TSPAN11: variants seen among roughly 807,000 people sequenced by gnomAD.
TSPAN11 encodes tetraspanin 11.
TSPAN11 carries 29 observed loss-of-function variants against 32.9 expected under a neutral mutation model. The ratio of observed to expected loss-of-function variants is 0.88; its 90% confidence interval spans 0.66 to 1.20. TSPAN11 has a LOEUF of 1.20. TSPAN11 is among the 50% of genes most tolerant of loss of function. The pLI is 0.00. For missense variants in TSPAN11, 283 were observed against 329.1 expected, an observed-to-expected ratio of 0.86 and a Z score of 1.08; for synonymous variants, 140 against 141.3, an observed-to-expected ratio of 0.99 and a Z score of 0.07.
chr12:31,006,738 G>A, the TSPAN11 span, among the ~76,000 whole-genome samples: 1 of 152,330 alleles, frequency 6.6e-6, no homozygotes, highest in South Asian at 2.1e-4. Context: ...AGGCCAGTCA[G>A]GCTATGGCTG....
intron 3 of TSPAN11, among the ~76,000 whole-genome samples, chr12:30,976,526 C>T (rs1187528516): frequency 6.6e-6 from 1 of 152,158 alleles, no homozygotes; most frequent in Admixed American, 6.5e-5. Context: ...TCCACAGACG[C>T]TCTCTTCAGC....
chr12:30,952,109 C>G (rs74641483), intron 1 of TSPAN11, among the ~76,000 whole-genome samples: 9,069 of 152,242 alleles, frequency 0.06, 347 homozygotes, highest in Non-Finnish European at 0.084. Context: ...CTTTAGAGGG[C>G]AGGGCCCTGA....
the TSPAN11 span, among the ~76,000 whole-genome samples, chr12:31,004,713 G>A: frequency 4.1e-3 from 624 of 152,326 alleles, 9 homozygotes; most frequent in African/African-American, 0.014. Flanking sequence ...AGCCTGTCTC[G>A]AGAAGGCCCG....
intron 1 of TSPAN11, among the ~76,000 whole-genome samples, chr12:30,939,511 T>C (rs1938116730): frequency 6.6e-6 from 1 of 152,250 alleles, no homozygotes; most frequent in Non-Finnish European, 1.5e-5. Flanking sequence ...GTTTATGTAA[T>C]GATCTACCTT....
At position 30,975,132 on chromosome 12, in the gene TSPAN11, C is replaced by A. The variant is rs1182358528; in HGVS notation, c.277-3429C>A. 6.6e-6 allele frequency among the ~76,000 whole-genome samples: 1 copy of A among 152,202 alleles called. No individual in the cohort carries two copies. Among genetic ancestry groups the A allele is most frequent in the Non-Finnish European group, 1.5e-5 (1 of 68,030 alleles). On this transcript the variant is annotated intron_variant, in intron 3 of 7. Coordinates refer to ENST00000546076, the MANE Select transcript of TSPAN11 (RefSeq NM_001370302.1). The surrounding 1 kb of genome is among the most constrained non-coding windows in gnomAD (Gnocchi z 4.5). ...ACACTTTTCAGCTTTGCACACAGAG[C>A]CAGCGTGTGCCGCAGGGGCCCTGAG...
chr12:30,960,414 G>A (rs1018913903), intron 2 of TSPAN11, among the ~76,000 whole-genome samples: 7 of 152,008 alleles, frequency 4.6e-5, no homozygotes, highest in Admixed American at 2.0e-4. Flanking sequence ...TGGGATTCAA[G>A]TGTTCCTGGC....
intron 2 of TSPAN11, among the ~76,000 whole-genome samples, chr12:30,960,722 G>A (rs976583719): frequency 2.6e-5 from 4 of 151,918 alleles, no homozygotes; most frequent in Non-Finnish European, 4.4e-5. Context: ...CTGGCTAGTC[G>A]GCCACAGGCT....
downstream of TSPAN11, among the ~76,000 whole-genome samples, chr12:30,997,781 G>A (rs1219432409): frequency 1.3e-5 from 2 of 152,172 alleles, no homozygotes; most frequent in Admixed American, 6.5e-5. Context: ...GGCTGGGGGT[G>A]GTCAGGGGGG....
chr12:30,976,053 G>A (rs35102), intron 3 of TSPAN11, among the ~76,000 whole-genome samples: 40,041 of 152,058 alleles, frequency 0.26, 5,535 homozygotes, highest in Middle Eastern at 0.39. Context: ...CTGAGTCAAG[G>A]AGACTCAGAA....
Position 30,963,965 on chromosome 12 carries a change from G to A in TSPAN11, c.224G>A (p.Gly75Asp). 1 of 1,614,072 alleles carries A rather than the reference G, an allele frequency of 6.2e-7. No homozygotes were observed. The highest frequency in any genetic ancestry group is 8.5e-7 in the Non-Finnish European group (1 of 1,180,024). The change falls in exon 3 of 8, where the codon GGC (glycine) becomes GAC (aspartate). Residue 75 changes from glycine to aspartate, a missense_variant. Gly to Asp is a moderately conservative substitution (Grantham distance 94, BLOSUM62 -1). Coordinates refer to ENST00000546076, the MANE Select transcript of TSPAN11 (RefSeq NM_001370302.1). ...GCGGGCGTACTTGTCATGGTGACCG[G>A]CTTCCTGGGCTTCGGTGCCATCCTC... ...IFAGVLVMVTGFLGFGAILWE... is the reference protein window; with the variant it reads ...IFAGVLVMVTDFLGFGAILWE...
At chr12:30,962,840 G>A (rs577980744) in intron 2 of TSPAN11, among the ~76,000 whole-genome samples, 21 of 152,278 alleles carry the variant, frequency 1.4e-4, no homozygotes, top group South Asian at 4.1e-4. Context: ...GGTCCCAGGG[G>A]TCCTGTCCCC....
At chr12:30,979,211 G>A (rs1939037176) in intron 4 of TSPAN11, among the ~76,000 whole-genome samples, 1 of 152,184 alleles carries the variant, frequency 6.6e-6, no homozygotes, top group South Asian at 2.1e-4. Flanking sequence ...ATCACCTCAT[G>A]ATCACAGTTA....
chr12:30,985,981 G>A (rs768221148), intron 7 of TSPAN11, among the ~76,000 whole-genome samples: 3 of 152,250 alleles, frequency 2.0e-5, no homozygotes, highest in Non-Finnish European at 4.4e-5. Flanking sequence ...AGCCAGCCCA[G>A]GAGCGGCCAA....
intron 2 of TSPAN11, among the ~76,000 whole-genome samples, chr12:30,958,537 T>C (rs972303213): frequency 1.3e-5 from 2 of 152,136 alleles, no homozygotes; most frequent in South Asian, 2.1e-4. Flanking sequence ...AGGGCTCAGC[T>C]GTGCTCTCTC....
At chr12:30,938,680 T>C (rs912493774) in intron 1 of TSPAN11, among the ~76,000 whole-genome samples, 7 of 152,114 alleles carry the variant, frequency 4.6e-5, no homozygotes, top group Non-Finnish European at 7.4e-5. Context: ...GCTGCTGCTC[T>C]TTGCCTTACA....
At chr12:30,988,222 T>C (rs1218297535) in intron 7 of TSPAN11, among the ~76,000 whole-genome samples, 1 of 152,182 alleles carries the variant, frequency 6.6e-6, no homozygotes, top group African/African-American at 2.4e-5. Context: ...ATCAGACTCT[T>C]CCACCTGGAA....
At chr12:30,946,016 G>GC (rs1214152478) in intron 1 of TSPAN11, among the ~76,000 whole-genome samples, 1 of 152,198 alleles carries the variant, frequency 6.6e-6, no homozygotes, top group African/African-American at 2.4e-5. Context: ...GACAGGGCCA[G>GC]CCTTGTGCTC....
intron 3 of TSPAN11, among the ~76,000 whole-genome samples, chr12:30,973,514 G>T (rs1280457095): frequency 6.6e-6 from 1 of 152,032 alleles, no homozygotes; most frequent in Non-Finnish European, 1.5e-5. Context: ...CCTGTCTATT[G>T]CTCCCACTAC....
At chr12:30,928,919 C>T (rs1032134176) in intron 1 of TSPAN11, among the ~76,000 whole-genome samples, 1 of 152,144 alleles carries the variant, frequency 6.6e-6, no homozygotes, top group Admixed American at 6.6e-5. Context: ...GCCTTTGTGC[C>T]GTTGCCTGCT....
Sources: allele counts gnomAD v4.1 joint callset (sites outside exome capture counted in the v4.1 genomes callset), GRCh38; gene constraint gnomAD v4.1.1; non-coding constraint Gnocchi (gnomAD v3.1); transcripts MANE v1.5; gene names NCBI Gene and HGNC (gene_info 2026-07-23, HGNC 2026-07-21).